AGMO: variants seen among roughly 807,000 people sequenced by gnomAD.
The protein encoded by AGMO is alkylglycerol monooxygenase.
A neutral mutation model predicts 60.2 loss-of-function variants in AGMO; 75 were observed. That is an observed-to-expected ratio of 1.25 (90% CI 1.03 to 1.51). AGMO has a LOEUF of 1.51. Ranked by LOEUF, AGMO falls within the 40% of genes most tolerant of loss-of-function variation. The probability of loss-of-function intolerance (pLI) is 0.00; values close to 1 mark genes in which losing one functional copy is unlikely to be tolerated. For synonymous variants in AGMO, 261 were observed against 177.1 expected (o/e 1.47, Z -3.76); for missense variants, 763 against 525.5 (o/e 1.45, Z -4.42).
chr7:15,509,368 A>T lies in AGMO; in HGVS notation c.409+35404T>A, dbSNP rs77938533. 3.5e-3 allele frequency among the ~76,000 whole-genome samples: 361 copies of T among 104,166 alleles called. 2 individuals are homozygous for T. Among genetic ancestry groups the T allele is most frequent in the African/African-American group, 0.01 (347 of 34,508 alleles). 68.3% of individuals were successfully genotyped at this position (104,166 alleles called of 152,430 possible). ...GATGTTGTGAGAACTGTAGACCCAC[A>T]TGCAAAAAAAAAAATAAAAATGAAA... is the stretch of plus-strand genomic sequence containing the variant. On this transcript the variant is annotated intron_variant, in intron 3 of 12. Coordinates refer to ENST00000342526, the MANE Select transcript of AGMO (RefSeq NM_001004320.2).
intron 3 of AGMO, among the ~76,000 whole-genome samples, chr7:15,532,389 G>C (rs904229432): frequency 6.6e-6 from 1 of 152,198 alleles, no homozygotes; most frequent in Non-Finnish European, 1.5e-5. Context: ...TTAGCTCTGA[G>C]AGTTGGGCAA....
chr7:15,387,983 C>CTGT (rs1783993982), intron 8 of AGMO, among the ~76,000 whole-genome samples: 1 of 150,454 alleles, frequency 6.6e-6, no homozygotes, highest in South Asian at 2.1e-4. Context: ...CTTTGGCTCA[C>CTGT]TACAACCTCT....
Position 15,201,377 on chromosome 7 carries a change from A to G in AGMO, c.1264-18T>C, listed in dbSNP as rs1371594042. 20 of 1,576,564 alleles carry G rather than the reference A, an allele frequency of 1.3e-5. No individual in the cohort carries two copies. Among genetic ancestry groups the G allele is most frequent in the Non-Finnish European group, 1.7e-5 (20 of 1,149,474 alleles). Reference sequence around the variant, plus strand: ...AAAACAATCTGAAGAAATAAAACACAAAGAGAAAAAAAAATTAGAAGTGAA... The same window carrying G: ...AAAACAATCTGAAGAAATAAAACACGAAGAGAAAAAAAAATTAGAAGTGAA... On this transcript the variant is annotated intron_variant, in intron 12 of 12. Transcript: ENST00000342526.
intron 3 of AGMO, among the ~76,000 whole-genome samples, chr7:15,532,501 C>T (rs971941695): frequency 1.3e-5 from 2 of 152,102 alleles, no homozygotes; most frequent in South Asian, 4.1e-4. Flanking sequence ...ATGAGAATCC[C>T]TTAGGAATAC....
the AGMO span, among the ~76,000 whole-genome samples, chr7:15,177,123 AT>A: frequency 6.6e-6 from 1 of 151,944 alleles, no homozygotes. Flanking sequence ...ATTTAAAAAC[AT>A]TTTTTTTGGA....
chr7:15,422,241 T>C (rs1261155856), intron 4 of AGMO, among the ~76,000 whole-genome samples: 2 of 151,862 alleles, frequency 1.3e-5, no homozygotes, highest in African/African-American at 4.8e-5. Flanking sequence ...ATTCCTTCAA[T>C]AAAACAATGG....
chr7:15,393,667 G>A lies in AGMO; in HGVS notation c.676+446C>T, dbSNP rs1056711474. Among the ~76,000 whole-genome samples, 11 of 152,224 alleles carry A rather than the reference G, an allele frequency of 7.2e-5. No individual in the cohort carries two copies. In the South Asian group the frequency reaches 1.0e-3, roughly 14 times the overall value. ...GCAGCTTATACTGAGATTGTTCAAC[G>A]CCTTAGGCAGGAAGGTGAAGTGTTG... On this transcript the variant is annotated intron_variant, in intron 6 of 12. Transcript: ENST00000342526.
chr7:15,370,729 T>C (rs903901315), intron 10 of AGMO, among the ~76,000 whole-genome samples: 1 of 152,182 alleles, frequency 6.6e-6, no homozygotes, highest in Non-Finnish European at 1.5e-5. Flanking sequence ...CATTTTTTAA[T>C]GTGGCTATTT....
At chr7:15,461,861 T>A (rs944995108) in intron 3 of AGMO, among the ~76,000 whole-genome samples, 1 of 152,166 alleles carries the variant, frequency 6.6e-6, no homozygotes, top group Non-Finnish European at 1.5e-5. Flanking sequence ...TTTGTGGTTA[T>A]ATTTGGCAAA....
intron 3 of AGMO, among the ~76,000 whole-genome samples, chr7:15,479,072 T>C (rs950441035): frequency 1.2e-4 from 18 of 152,150 alleles, no homozygotes; most frequent in African/African-American, 4.3e-4. Context: ...TCATGCATAG[T>C]TTTCATCAAA....
the AGMO span, among the ~76,000 whole-genome samples, chr7:15,121,144 C>A: frequency 2.6e-5 from 4 of 152,264 alleles, no homozygotes; most frequent in South Asian, 8.3e-4. Flanking sequence ...CCTGCAAGGA[C>A]ACAAATTCAT....
intron 5 of AGMO, among the ~76,000 whole-genome samples, chr7:15,415,821 A>G (rs112168001): frequency 5.9e-5 from 9 of 152,042 alleles, no homozygotes; most frequent in Non-Finnish European, 1.2e-4. Flanking sequence ...AAATAAAAAG[A>G]TTTTCTTGCT....
At chr7:15,301,677 A>C (rs1039610197) in intron 12 of AGMO, among the ~76,000 whole-genome samples, 6 of 152,182 alleles carry the variant, frequency 3.9e-5, no homozygotes, top group Admixed American at 6.6e-5. Context: ...AGAGGATAAT[A>C]GAAATGTTTT....
At chr7:15,413,384 G>A (rs1780669709) in intron 5 of AGMO, among the ~76,000 whole-genome samples, 1 of 152,110 alleles carries the variant, frequency 6.6e-6, no homozygotes, top group Admixed American at 6.6e-5. Flanking sequence ...GTTCCCAGAG[G>A]GGAGTAGAAA....
At chr7:15,394,215 TATC>T (rs1485741416) in intron 5 of AGMO, 36 bp from the exon 6 acceptor site, 9 of 1,374,210 alleles carry the variant, frequency 6.5e-6, no homozygotes, top group South Asian at 1.2e-5. Flanking sequence ...TACATGTAGT[TATC>T]ATTAAATGTG....
At chr7:15,182,581 A>G in the AGMO span, among the ~76,000 whole-genome samples, 1 of 151,842 alleles carries the variant, frequency 6.6e-6, no homozygotes, top group South Asian at 2.1e-4. Flanking sequence ...ATACCTGGCT[A>G]ATTTTTTGTA....
chr7:15,212,059 C>A (rs1384887926), intron 12 of AGMO, among the ~76,000 whole-genome samples: 2 of 151,916 alleles, frequency 1.3e-5, no homozygotes, highest in Admixed American at 1.3e-4. Context: ...TGTTCCATAT[C>A]TTTGCTGTAT....
rs188713487 is a variant in AGMO at position 15,290,806 on chromosome 7, T to A, written c.1263+74708A>T. The stretch of plus-strand genomic sequence containing the variant: ...CGTGATGATTTTAAAACAATCTGAA[T>A]GATAGTTAAAAACAGGTATTTTGAG... On this transcript the variant is annotated intron_variant, in intron 12 of 12. Transcript: ENST00000342526. Among the ~76,000 whole-genome samples the A allele has an allele frequency of 4.6e-5, 7 of 152,324 alleles. No homozygotes were observed. The East Asian group carries it at 1.2e-3, about 25-fold the overall frequency.
chr7:15,495,655 T>G (rs1783201879), intron 3 of AGMO, among the ~76,000 whole-genome samples: 1 of 152,168 alleles, frequency 6.6e-6, no homozygotes, highest in African/African-American at 2.4e-5. Flanking sequence ...CTGGGTGGTT[T>G]AAACAAGTGA....
Sources: gnomAD v4.1 joint callset for allele counts (sites outside exome capture counted in the v4.1 genomes callset) on GRCh38, gnomAD v4.1.1 for gene constraint, MANE v1.5 for transcripts, NCBI Gene and HGNC (gene_info 2026-07-23, HGNC 2026-07-21) for gene names.